The following SPTLC3 variants were observed in gnomAD, a reference collection of about 807,000 sequenced individuals.
SPTLC3 encodes the protein serine palmitoyltransferase long chain base subunit 3.
Under a neutral mutation model 59.3 loss-of-function variants are expected in SPTLC3, and 36 were observed. The ratio of observed to expected loss-of-function variants is 0.61; its 90% CI spans 0.47 to 0.80. The LOEUF is 0.80. Ranked by LOEUF, SPTLC3 falls within the 30% of genes least tolerant of loss-of-function variation. The pLI is 0.00. For synonymous variants in SPTLC3, 257 were observed against 240.8 expected (o/e 1.07, Z -0.62); for missense variants, 625 against 685.1 (o/e 0.91, Z 0.98).
chr20:13,129,071 T>C (rs1400822969), intron 9 of SPTLC3, among the ~76,000 whole-genome samples: 1 of 152,036 alleles, frequency 6.6e-6, no homozygotes, highest in East Asian at 1.9e-4. Context: ...AGATGGGGTC[T>C]CGCCAGATTG....
At chr20:13,123,712 T>G (rs1448592950) in intron 8 of SPTLC3, among the ~76,000 whole-genome samples, 2 of 152,150 alleles carry the variant, frequency 1.3e-5, no homozygotes, top group African/African-American at 4.8e-5. Context: ...TTATTCCTAA[T>G]TTTAGGACAG....
chr20:13,092,417 T>C (rs931715606), intron 5 of SPTLC3, among the ~76,000 whole-genome samples: 6 of 152,196 alleles, frequency 3.9e-5, no homozygotes, highest in African/African-American at 1.4e-4. Flanking sequence ...CAATGTATGG[T>C]CTTAGACTGG....
chr20:13,015,105 T>G (rs1056599865), intron 1 of SPTLC3, among the ~76,000 whole-genome samples: 1 of 152,206 alleles, frequency 6.6e-6, no homozygotes, highest in Non-Finnish European at 1.5e-5. Flanking sequence ...GGTTTATGAA[T>G]TAGCCCTGAT....
At chr20:13,057,594 AT>A (rs1987780864) in intron 2 of SPTLC3, among the ~76,000 whole-genome samples, 3 of 152,304 alleles carry the variant, frequency 2.0e-5, no homozygotes. Flanking sequence ...CTTTATCTGA[AT>A]CACTTGAGTA....
intron 6 of SPTLC3, among the ~76,000 whole-genome samples, chr20:13,102,769 C>T (rs1989649661): frequency 6.6e-6 from 1 of 152,216 alleles, no homozygotes; most frequent in Non-Finnish European, 1.5e-5. Flanking sequence ...TTGTCTCATT[C>T]CACAATCTCC....
chr20:13,097,138 G>A (rs1213332023), intron 6 of SPTLC3, among the ~76,000 whole-genome samples: 1 of 152,122 alleles, frequency 6.6e-6, no homozygotes, highest in Non-Finnish European at 1.5e-5. Flanking sequence ...ATGGAAAAAT[G>A]AAGAGTCTAT....
chr20:13,131,026 G>C (rs2038107865), intron 9 of SPTLC3, among the ~76,000 whole-genome samples: 1 of 152,156 alleles, frequency 6.6e-6, no homozygotes, highest in African/African-American at 2.4e-5. Flanking sequence ...AGTGATTGAA[G>C]TTACTTTTGG....
At chr20:13,110,310 A>C in intron 7 of SPTLC3, 93 bp downstream of exon 7, 1 of 1,045,972 alleles carries the variant, frequency 9.6e-7, no homozygotes, top group Non-Finnish European at 1.4e-6. Context: ...AAACAGAGAA[A>C]TGACTTAGAA....
In SPTLC3 at chr20:13,154,035, A is replaced by C. The variant is rs1401231850; in HGVS notation, c.1312A>C (p.Thr438Pro). 6.2e-7 allele frequency: 1 copy of C among 1,614,128 alleles called. No homozygotes were observed. Among genetic ancestry groups the C allele is most frequent in the East Asian group, 2.2e-5 (1 of 44,884 alleles). The change falls in exon 10 of 12, where the codon ACA becomes CCA. Residue 438 changes from threonine (T) to proline (P), a missense_variant. Coordinates refer to ENST00000399002, the MANE Select transcript of SPTLC3 (RefSeq NM_018327.4). ...GAGAGTACAGCAACTTGCGAAAAAC[A>C]CAAGATACTTCAGACAAAGACTGCA... ...LQRVQQLAKN[T>P]RYFRQRLQEM...
intron 6 of SPTLC3, among the ~76,000 whole-genome samples, chr20:13,104,618 A>G (rs1047629862): frequency 6.6e-6 from 1 of 152,112 alleles, no homozygotes; most frequent in Non-Finnish European, 1.5e-5. Context: ...TTAGTCCTCT[A>G]CAAACCAAAA....
intron 2 of SPTLC3, among the ~76,000 whole-genome samples, chr20:13,067,986 A>T (rs966032952): frequency 6.6e-6 from 1 of 152,196 alleles, no homozygotes; most frequent in African/African-American, 2.4e-5. Context: ...TCACTTTCAT[A>T]CAAGCATCAA....
At chr20:13,041,625 G>T (rs1986983738) in intron 1 of SPTLC3, among the ~76,000 whole-genome samples, 1 of 151,892 alleles carries the variant, frequency 6.6e-6, no homozygotes, top group South Asian at 2.1e-4. Flanking sequence ...AATATCTGTT[G>T]TTCTTATGTA....
intron 9 of SPTLC3, among the ~76,000 whole-genome samples, chr20:13,148,534 G>A (rs1462545179): frequency 6.6e-6 from 1 of 152,132 alleles, no homozygotes; most frequent in Non-Finnish European, 1.5e-5. Context: ...GAGCACTCAG[G>A]AACTGCTGGG....
intron 1 of SPTLC3, among the ~76,000 whole-genome samples, chr20:13,015,957 TG>T (rs1985508665): frequency 1.3e-5 from 2 of 152,020 alleles, no homozygotes; most frequent in South Asian, 4.1e-4. Context: ...TATTTCTGCA[TG>T]GCAAAAACAA....
At position 13,165,962 on chromosome 20, in the gene SPTLC3, T is replaced by C. The variant is rs886503240; in HGVS notation, c.*1095T>C. On this transcript the variant is annotated 3_prime_UTR_variant, in exon 12 of 12. Transcript: ENST00000399002. ...AACTAACTGTAATTTACTTGTGTTC[T>C]CTCTTTCTTGCTCTCCTTCTCAACA... is the stretch of plus-strand genomic sequence containing the variant. The C allele has an allele frequency of 1.8e-4, 28 of 152,460 alleles. No homozygotes were observed. Among genetic ancestry groups the C allele is most frequent in the African/African-American group, 6.5e-4 (27 of 41,558 alleles). 9.4% of individuals were successfully genotyped at this position (152,460 alleles called of 1,614,324 possible).
chr20:13,019,259 G>A (rs1985736959), intron 1 of SPTLC3, among the ~76,000 whole-genome samples: 1 of 152,132 alleles, frequency 6.6e-6, no homozygotes, highest in Admixed American at 6.5e-5. Context: ...ATTGAGGAAA[G>A]GAGGTCTCAT....
At chr20:13,103,777 ACAG>A (rs1989717717) in intron 6 of SPTLC3, among the ~76,000 whole-genome samples, 1 of 152,214 alleles carries the variant, frequency 6.6e-6, no homozygotes, top group East Asian at 1.9e-4. Context: ...TGGAAAACCC[ACAG>A]CTGCACAAGA....
intron 1 of SPTLC3, among the ~76,000 whole-genome samples, chr20:13,043,115 C>T (rs141094477): frequency 6.6e-6 from 1 of 152,180 alleles, no homozygotes; most frequent in Non-Finnish European, 1.5e-5. Flanking sequence ...TCTTAAACAC[C>T]AGTATCCTTG....
rs1431433 is a variant in SPTLC3 at position 13,049,116 on chromosome 20, A to G, written c.289A>G (p.Arg97Gly). 6.2e-7 allele frequency: 1 copy of G among 1,613,220 alleles called. No homozygotes were observed. ...AGAAAAATGCAACGCAGCTGTGGAA[A>G]GAAAAGAACAAAAAGTACGTATGCG... ...GIEKCNAAVERKEQKDFVPLY... is the reference protein window; with the variant it reads ...GIEKCNAAVEGKEQKDFVPLY... The change falls in exon 2 of 12, where the codon AGA becomes GGA. Residue 97 changes from arginine (R) to glycine (G), a missense_variant. Coordinates refer to ENST00000399002, the MANE Select transcript of SPTLC3 (RefSeq NM_018327.4).
Sources: allele counts gnomAD v4.1 joint callset (sites outside exome capture counted in the v4.1 genomes callset), GRCh38; gene constraint gnomAD v4.1.1; transcripts MANE v1.5; gene names NCBI Gene and HGNC (gene_info 2026-07-23, HGNC 2026-07-21).